The following SYNE1 variants were observed in gnomAD, a reference collection of about 807,000 sequenced individuals.
SYNE1 encodes nesprin-1.
A neutral mutation model predicts 1,111.0 loss-of-function variants in SYNE1; 616 were observed. That is an observed-to-expected ratio of 0.55 (90% CI 0.52 to 0.59). The LOEUF (loss-of-function observed/expected upper bound fraction) is 0.59. SYNE1 is among the 20% of genes least tolerant of loss of function. SYNE1 has a pLI of 0.00. For missense variants in SYNE1, 10,006 were observed against 10,417.0 expected (o/e 0.96, Z 1.72); for synonymous variants, 3,855 against 3,825.8 (o/e 1.01, Z -0.28).
At position 152,428,307 on chromosome 6, in the gene SYNE1, C is replaced by G. The variant is rs1273274051; in HGVS notation, c.4874G>C (p.Cys1625Ser). 6.2e-7 allele frequency: 1 copy of G among 1,614,160 alleles called. No homozygotes were observed. Among genetic ancestry groups the G allele is most frequent in the Non-Finnish European group, 8.5e-7 (1 of 1,180,026 alleles). ...CTGTAGAGCCGCAGCCTCCTGAACA[C>G]AGGAATCTCTGTTCACAACCTTCCT... ...SARKVVNRDS[C>S]VQEAAALQQQ... Residue 1625 changes from cysteine to serine, a missense_variant, in exon 37 of 146, where the codon TGT becomes TCT. Physicochemically the swap from Cys to Ser is moderately radical, Grantham distance 112. Coordinates refer to ENST00000367255, the MANE Select transcript of SYNE1 (RefSeq NM_182961.4).
chr6:152,151,489 G>C (rs947607643), intron 135 of SYNE1, 64 bp downstream of exon 135: 1 of 1,600,042 alleles, frequency 6.2e-7, no homozygotes, highest in African/African-American at 1.3e-5. Flanking sequence ...CTTCACAAAA[G>C]AGCCACAAAT....
intron 3 of SYNE1, among the ~76,000 whole-genome samples, chr6:152,627,374 C>T (rs1175010080): frequency 2.6e-5 from 4 of 151,878 alleles, no homozygotes; most frequent in Non-Finnish European, 4.4e-5. Flanking sequence ...GAAGAGCAGC[C>T]GGGCACGGTG....
intron 92 of SYNE1, 123 bp downstream of exon 92, chr6:152,301,746 T>A: frequency 9.4e-7 from 1 of 1,058,326 alleles, no homozygotes; most frequent in East Asian, 2.6e-5. Flanking sequence ...AGGAATCTGT[T>A]CCTCCCTCTG....
At chr6:152,346,828 CAAAA>C (rs1220751783) in intron 73 of SYNE1, among the ~76,000 whole-genome samples, 19 of 152,090 alleles carry the variant, frequency 1.2e-4, no homozygotes, top group African/African-American at 3.9e-4. Context: ...CAAAACAAAA[CAAAA>C]AAACCAATAT....
rs199673397 is a variant in SYNE1 at position 152,330,763 on chromosome 6, A to T, written c.13922T>A (p.Leu4641His). 54 of 1,613,842 alleles carry T rather than the reference A, an allele frequency of 3.3e-5. No homozygotes were observed. The highest frequency in any genetic ancestry group is 3.3e-5 in the Admixed American group (2 of 59,996). ...AGGCAAAGCATTTAGCTTTTCACTG[A>T]GGTAGGAATGATCGACTTCATTCAG... Reference protein sequence around the residue: ...PSLNEVDHSYLSEKLNALPRQ... With the variant: ...PSLNEVDHSYHSEKLNALPRQ... The change falls in exon 78 of 146, where the codon CTC becomes CAC. Residue 4641 changes from leucine (L) to histidine (H), a missense_variant. Around this residue, in one of 7 missense-constraint regions of SYNE1, gnomAD observed 4,955 missense variants for 5,017.2 expected, o/e 0.99. Transcript: ENST00000367255.
chr6:152,145,682 C>T (rs1268607853), intron 137 of SYNE1: 2 of 812,238 alleles, frequency 2.5e-6, no homozygotes, highest in Non-Finnish European at 4.2e-6. Flanking sequence ...CTCCTGAGCG[C>T]ACAGAGGAGC....
At chr6:152,527,550 A>G (rs2099169204) in intron 4 of SYNE1, among the ~76,000 whole-genome samples, 1 of 152,226 alleles carries the variant, frequency 6.6e-6, no homozygotes, top group South Asian at 2.1e-4. Flanking sequence ...GTGCAATAAG[A>G]ATCAAAATTA....
intron 2 of SYNE1, among the ~76,000 whole-genome samples, chr6:152,631,903 C>T (rs1480654497): frequency 2.6e-5 from 4 of 152,132 alleles, no homozygotes; most frequent in African/African-American, 9.7e-5. Context: ...AACTCAGGAG[C>T]AATTTCTTCA....
At chr6:152,287,166 A>G (rs2094378382) in intron 95 of SYNE1, among the ~76,000 whole-genome samples, 1 of 152,252 alleles carries the variant, frequency 6.6e-6, no homozygotes, top group Non-Finnish European at 1.5e-5. Context: ...TAGATATTTT[A>G]AAGTATTATT....
At chr6:152,609,456 C>T (rs1449391369) in intron 3 of SYNE1, among the ~76,000 whole-genome samples, 1 of 152,148 alleles carries the variant, frequency 6.6e-6, no homozygotes, top group Non-Finnish European at 1.5e-5. Flanking sequence ...ACTAGGTAAA[C>T]AAAGTGACTG....
chr6:152,347,341 G>T, intron 72 of SYNE1, 106 bp from the exon 73 acceptor site: 2 of 1,348,346 alleles, frequency 1.5e-6, no homozygotes, highest in South Asian at 1.3e-5. Context: ...GTTTTTGAAA[G>T]AATCTTGCAA....
intron 115 of SYNE1, among the ~76,000 whole-genome samples, chr6:152,229,797 C>A (rs2082350836): frequency 1.3e-5 from 2 of 152,096 alleles, no homozygotes; most frequent in Admixed American, 6.6e-5. Flanking sequence ...ATATTGTTTG[C>A]ATCCTTATTT....
At chr6:152,196,432 C>A (rs1017180717) in intron 127 of SYNE1, among the ~76,000 whole-genome samples, 1 of 152,070 alleles carries the variant, frequency 6.6e-6, no homozygotes, top group Non-Finnish European at 1.5e-5. Context: ...CCAAGGCCCA[C>A]AGTGTGTAAT....
chr6:152,215,799 G>C (rs2078495457), intron 121 of SYNE1, among the ~76,000 whole-genome samples: 1 of 152,184 alleles, frequency 6.6e-6, no homozygotes, highest in Non-Finnish European at 1.5e-5. Flanking sequence ...CAGAAACTAA[G>C]TAAATTGCTC....
intron 3 of SYNE1, among the ~76,000 whole-genome samples, chr6:152,605,636 T>C (rs2099612726): frequency 1.3e-5 from 2 of 152,228 alleles, no homozygotes; most frequent in Admixed American, 6.5e-5. Flanking sequence ...ACTTCCATGA[T>C]ACAACTTCAT....
chr6:152,414,538 T>G (rs771628348), intron 41 of SYNE1, among the ~76,000 whole-genome samples: 36 of 152,278 alleles, frequency 2.4e-4, no homozygotes, highest in African/African-American at 8.4e-4. Context: ...AGATGGTGGC[T>G]GGGGGCAGGT....
Position 152,136,817 on chromosome 6 carries a change from T to C in SYNE1, c.25460A>G (p.Glu8487Gly). The C allele has an allele frequency of 6.2e-7, 1 of 1,614,012 alleles. No homozygotes were observed. The change falls in exon 141 of 146, where the codon GAG becomes GGG. Residue 8487 changes from glutamate (E) to glycine (G), a missense_variant and splice_region_variant. This residue lies in a region of SYNE1 where 761 missense variants were observed against 795.5 expected (regional missense o/e 0.96). Transcript: ENST00000367255. ...TIELQIKKLK[E>G]LQKAVDHRKA... ...GCGGTGGTCCACAGCTTTCTGGAGC[T>C]CCTGAAAAGAACAAAAAAGACAATC...
chr6:152,129,513 A>G (rs2054723445), intron 145 of SYNE1: 1 of 152,100 alleles, frequency 6.6e-6, no homozygotes, highest in South Asian at 2.1e-4. Context: ...AAAAGTCCCC[A>G]AGAGTTTTTC....
rs377441568 is a variant in SYNE1, at chr6:152,567,932, A to G, written c.68-27911T>C. Among the ~76,000 whole-genome samples, 12 of 152,358 alleles carry G rather than the reference A, an allele frequency of 7.9e-5. No homozygotes were observed. In the East Asian group the frequency reaches 1.9e-3, roughly 24 times the overall value. Reference sequence around the variant, plus strand: ...TAGAATGCAATGAAATACACAGTCCAGAAAGAGACTTGTGTCTATCTAGAC... The same window carrying G: ...TAGAATGCAATGAAATACACAGTCCGGAAAGAGACTTGTGTCTATCTAGAC... On this transcript the variant is annotated intron_variant, in intron 3 of 145. Coordinates refer to ENST00000367255, the MANE Select transcript of SYNE1 (RefSeq NM_182961.4).
Sources: allele counts gnomAD v4.1 joint callset (sites outside exome capture counted in the v4.1 genomes callset), GRCh38; gene constraint gnomAD v4.1.1; regional missense constraint gnomAD v4.1.1; transcripts MANE v1.5; gene names NCBI Gene and HGNC (gene_info 2026-07-23, HGNC 2026-07-21).